CDC42BPA: variants seen among roughly 807,000 people sequenced by gnomAD.
CDC42BPA encodes the protein serine/threonine-protein kinase MRCK alpha.
In CDC42BPA, 80 loss-of-function variants were observed where a neutral mutation model predicts 223.5. That is an observed-to-expected ratio of 0.36 (90% CI 0.30 to 0.43). CDC42BPA has a LOEUF of 0.43. Ranked by LOEUF, CDC42BPA falls within the 20% of genes least tolerant of loss-of-function variation. The probability of loss-of-function intolerance (pLI) is 1.00; values close to 1 mark genes in which losing one functional copy is unlikely to be tolerated. For synonymous variants in CDC42BPA, 694 were observed against 718.6 expected (o/e 0.97, Z 0.55); for missense variants, 1,743 against 2,099.9 (o/e 0.83, Z 3.32).
chr1:227,215,276 T>C (rs1010504807), intron 2 of CDC42BPA, among the ~76,000 whole-genome samples: 27 of 152,284 alleles, frequency 1.8e-4, no homozygotes, highest in Non-Finnish European at 2.9e-4. Context: ...TGTGGCTGTT[T>C]TGGGGAGTGG....
chr1:227,135,743 A>G (rs1658357496), intron 10 of CDC42BPA, among the ~76,000 whole-genome samples: 1 of 151,598 alleles, frequency 6.6e-6, no homozygotes, highest in South Asian at 2.1e-4. Flanking sequence ...AGTCCCAGTT[A>G]CTCAGGAGGC....
At chr1:227,275,405 AAAGAG>A (rs1174126400) in intron 1 of CDC42BPA, among the ~76,000 whole-genome samples, 12 of 148,936 alleles carry the variant, frequency 8.1e-5, no homozygotes, top group Non-Finnish European at 1.2e-4. Context: ...AAAAGATGGA[AAAGAG>A]AAAAGTAAAA....
intron 21 of CDC42BPA, among the ~76,000 whole-genome samples, chr1:227,062,506 CAGGGCAGGAAATATTGTATTATGCTTA>C (rs1024523149): frequency 1.6e-4 from 25 of 152,186 alleles, no homozygotes; most frequent in African/African-American, 5.1e-4. Flanking sequence ...ATTAGACTGT[CAGGGCAGGAAATATTGTATTATGCTTA>C]AGGGCAGGAA....
chr1:227,123,032 A>G (rs1688932022), intron 11 of CDC42BPA, among the ~76,000 whole-genome samples: 1 of 152,172 alleles, frequency 6.6e-6, no homozygotes, highest in Non-Finnish European at 1.5e-5. Flanking sequence ...GCCGGGCACC[A>G]TGGTTCATGC....
intron 10 of CDC42BPA, among the ~76,000 whole-genome samples, chr1:227,135,291 T>C (rs1658255220): frequency 6.6e-6 from 1 of 152,194 alleles, no homozygotes; most frequent in African/African-American, 2.4e-5. Flanking sequence ...CATGGGAAGT[T>C]AGGGAGCTTT....
At chr1:227,258,866 G>C (rs1377621514) in intron 1 of CDC42BPA, among the ~76,000 whole-genome samples, 1 of 149,510 alleles carries the variant, frequency 6.7e-6, no homozygotes, top group Non-Finnish European at 1.5e-5. Flanking sequence ...AAGACAAATT[G>C]CAAAAGACTT....
At chr1:227,232,242 C>A (rs2147998545) in intron 2 of CDC42BPA, among the ~76,000 whole-genome samples, 1 of 152,256 alleles carries the variant, frequency 6.6e-6, no homozygotes, top group South Asian at 2.1e-4. Context: ...AATAGGGAAT[C>A]CTTTCCCCAT....
chr1:227,022,014 G>A (rs1401917903), intron 32 of CDC42BPA, among the ~76,000 whole-genome samples: 2 of 120,080 alleles, frequency 1.7e-5, no homozygotes, highest in Admixed American at 1.9e-4. Flanking sequence ...GCGAGACTCC[G>A]TCTCCCCCGC....
At chr1:227,278,779 T>G (rs1025591019) in intron 1 of CDC42BPA, among the ~76,000 whole-genome samples, 2 of 152,204 alleles carry the variant, frequency 1.3e-5, no homozygotes, top group Non-Finnish European at 2.9e-5. Flanking sequence ...AAGAGGAGCA[T>G]GACAGGCAAA....
intron 1 of CDC42BPA, among the ~76,000 whole-genome samples, chr1:227,275,740 T>A (rs1686850978): frequency 6.6e-6 from 1 of 152,162 alleles, no homozygotes; most frequent in South Asian, 2.1e-4. Flanking sequence ...GTGCCTGGGA[T>A]TGCAGGCACG....
chr1:227,113,208 A>G (rs1417603772), intron 12 of CDC42BPA, among the ~76,000 whole-genome samples: 1 of 152,268 alleles, frequency 6.6e-6, no homozygotes, highest in African/African-American at 2.4e-5. Context: ...CAAAATAAAT[A>G]TTTGTGAAAT....
intron 2 of CDC42BPA, among the ~76,000 whole-genome samples, chr1:227,219,597 T>C (rs569281324): frequency 6.6e-6 from 1 of 150,616 alleles, no homozygotes; most frequent in African/African-American, 2.4e-5. Flanking sequence ...TATTTTCATG[T>C]TTTTTTTTAA....
At chr1:227,205,531 G>T (rs1672572714) in intron 3 of CDC42BPA, among the ~76,000 whole-genome samples, 1 of 151,722 alleles carries the variant, frequency 6.6e-6, no homozygotes, top group African/African-American at 2.4e-5. Context: ...GGACTTAGGG[G>T]TATTTGAGGG....
Position 226,994,530 on chromosome 1 carries a change from A to G in CDC42BPA, c.5134-131T>C. ...CATGGGGCGGCCTCACTGTCGGTAT[A>G]AAGCCCCTTCTATGAGCTGAGGAAG... On this transcript the variant is annotated intron_variant, in intron 36 of 36. Coordinates refer to ENST00000366766, the MANE Select transcript of CDC42BPA (RefSeq NM_001394014.1). This position sits in a 1 kb window ranked among gnomAD's most constrained non-coding sequence, Gnocchi z 4.0. The G allele has an allele frequency of 9.2e-7, 1 of 1,090,616 alleles. No homozygotes were observed. The highest frequency in any genetic ancestry group is 2.7e-5 in the East Asian group (1 of 37,156). 67.6% of individuals were successfully genotyped at this position (1,090,616 alleles called of 1,614,324 possible).
chr1:227,041,514 A>C (rs1336485335), intron 23 of CDC42BPA, among the ~76,000 whole-genome samples: 3 of 152,232 alleles, frequency 2.0e-5, no homozygotes, highest in Non-Finnish European at 2.9e-5. Flanking sequence ...ACATATGAAC[A>C]AAAAACTAAA....
intron 22 of CDC42BPA, among the ~76,000 whole-genome samples, chr1:227,051,380 AAC>A (rs1673491546): frequency 6.6e-6 from 1 of 152,332 alleles, no homozygotes; most frequent in East Asian, 1.9e-4. Context: ...GTGTAAACAC[AAC>A]ACAGTTTTTT....
rs57001570 is a variant in CDC42BPA, at chr1:227,181,286, T to A, written c.599+12500A>T. ...CAGGGAAAAAAACCCACCATTTTGT[T>A]AAAAAGCATAAAGATGGACATATTT... On this transcript the variant is annotated intron_variant, in intron 5 of 36. Coordinates refer to ENST00000366766, the MANE Select transcript of CDC42BPA (RefSeq NM_001394014.1). 1.7e-3 allele frequency among the ~76,000 whole-genome samples: 257 copies of A among 152,320 alleles called. 8 individuals are homozygous for A. The East Asian group carries it at 0.042, about 25-fold the overall frequency.
At chr1:227,297,219 C>G (rs1163753524) in intron 1 of CDC42BPA, among the ~76,000 whole-genome samples, 1 of 152,134 alleles carries the variant, frequency 6.6e-6, no homozygotes, top group Non-Finnish European at 1.5e-5. Flanking sequence ...GGAAGTAGAT[C>G]AAAGCCACAA....
chr1:227,127,391 C>T (rs1407345938), intron 11 of CDC42BPA, among the ~76,000 whole-genome samples: 1 of 152,122 alleles, frequency 6.6e-6, no homozygotes, highest in African/African-American at 2.4e-5. Context: ...TACATCAATA[C>T]CATCTATTTC....
Sources: allele counts gnomAD v4.1 joint callset (sites outside exome capture counted in the v4.1 genomes callset), GRCh38; gene constraint gnomAD v4.1.1; non-coding constraint Gnocchi (gnomAD v3.1); transcripts MANE v1.5; gene names NCBI Gene and HGNC (gene_info 2026-07-23, HGNC 2026-07-21).